The following DLG2 variants were observed in gnomAD, a reference collection of about 807,000 sequenced individuals.
The protein encoded by DLG2 is discs large MAGUK scaffold protein 2.
A neutral mutation model predicts 132.5 loss-of-function variants in DLG2; 45 were observed. That is an observed-to-expected ratio of 0.34 (90% CI 0.27 to 0.44). DLG2 has a LOEUF of 0.44. Ranked by LOEUF, DLG2 falls within the 20% of genes least tolerant of loss-of-function variation. The pLI is 1.00. For synonymous variants in DLG2, 424 were observed against 419.6 expected (o/e 1.01, Z -0.13); for missense variants, 1,045 against 1,196.9 (o/e 0.87, Z 1.87).
intron 7 of DLG2, among the ~76,000 whole-genome samples, chr11:84,447,751 T>C (rs1435692682): frequency 6.6e-6 from 1 of 152,088 alleles, no homozygotes; most frequent in East Asian, 1.9e-4. Context: ...AAAACTCAAA[T>C]GGGTCCTAAA....
At chr11:84,327,112 C>CTTTT (rs11290540) in intron 7 of DLG2, among the ~76,000 whole-genome samples, 24 of 119,016 alleles carry the variant, frequency 2.0e-4, no homozygotes, top group South Asian at 6.0e-4. Flanking sequence ...TAATGAGAAT[C>CTTTT]TTTTTTTTTT....
At chr11:85,398,560 G>C (rs2087667532) in intron 3 of DLG2, among the ~76,000 whole-genome samples, 1 of 151,928 alleles carries the variant, frequency 6.6e-6, no homozygotes, top group Non-Finnish European at 1.5e-5. Context: ...AAAGAGAAAA[G>C]AATCAAATAG....
At chr11:84,464,753 T>C (rs539645683) in intron 7 of DLG2, among the ~76,000 whole-genome samples, 7 of 151,088 alleles carry the variant, frequency 4.6e-5, no homozygotes, top group African/African-American at 1.2e-4. Context: ...CTGAATGAAA[T>C]TCAACATAAA....
At chr11:85,393,972 G>A (rs551265889) in intron 3 of DLG2, among the ~76,000 whole-genome samples, 15 of 152,076 alleles carry the variant, frequency 9.9e-5, no homozygotes, top group Non-Finnish European at 1.5e-4. Flanking sequence ...CTGCTCAGGG[G>A]ATGGGTGCAC....
chr11:85,218,511 T>C (rs547885278), intron 4 of DLG2, among the ~76,000 whole-genome samples: 2 of 152,168 alleles, frequency 1.3e-5, no homozygotes, highest in African/African-American at 2.4e-5. Context: ...AAAACCACAA[T>C]GAGATATGAT....
chr11:83,925,451 A>G (rs2078797628), intron 15 of DLG2, among the ~76,000 whole-genome samples: 1 of 152,156 alleles, frequency 6.6e-6, no homozygotes, highest in Non-Finnish European at 1.5e-5. Flanking sequence ...GGTACATTTG[A>G]GAAACTGAGG....
intron 3 of DLG2, among the ~76,000 whole-genome samples, chr11:85,315,124 G>T (rs941573797): frequency 2.0e-5 from 3 of 151,934 alleles, no homozygotes; most frequent in African/African-American, 4.8e-5. Context: ...TAAGATTCCA[G>T]CCTGGAAAAG....
chr11:84,199,910 T>A (rs1471614536), intron 8 of DLG2, among the ~76,000 whole-genome samples: 1 of 151,996 alleles, frequency 6.6e-6, no homozygotes, highest in Non-Finnish European at 1.5e-5. Context: ...CTTTCCAAGT[T>A]TGATGAAAAA....
chr11:84,490,072 T>C (rs1420767484), intron 7 of DLG2, among the ~76,000 whole-genome samples: 1 of 152,088 alleles, frequency 6.6e-6, no homozygotes, highest in Non-Finnish European at 1.5e-5. Context: ...TATCGAGAAA[T>C]CAGGACATTC....
At chr11:83,742,607 T>C (rs1196665890) in intron 18 of DLG2, among the ~76,000 whole-genome samples, 2 of 152,198 alleles carry the variant, frequency 1.3e-5, no homozygotes, top group African/African-American at 4.8e-5. Flanking sequence ...AGGGATTGAA[T>C]TAGCTCAACT....
At chr11:84,922,175 T>A (rs1232780000) in intron 6 of DLG2, among the ~76,000 whole-genome samples, 10 of 141,074 alleles carry the variant, frequency 7.1e-5, no homozygotes, top group Admixed American at 3.6e-4. Flanking sequence ...ATATTGACTT[T>A]AAAAAAAAAA....
chr11:83,843,173 T>C (rs2057975952), intron 16 of DLG2, among the ~76,000 whole-genome samples: 1 of 152,184 alleles, frequency 6.6e-6, no homozygotes, highest in African/African-American at 2.4e-5. Context: ...CCCTTTGTAT[T>C]TCATATTTCA....
At chr11:84,550,315 C>A (rs1272356429) in intron 6 of DLG2, among the ~76,000 whole-genome samples, 1 of 152,158 alleles carries the variant, frequency 6.6e-6, no homozygotes, top group Admixed American at 6.5e-5. Flanking sequence ...GCTGCCACTT[C>A]TCTTGATCCA....
intron 4 of DLG2, among the ~76,000 whole-genome samples, chr11:85,222,775 A>G (rs1290003610): frequency 2.0e-5 from 3 of 152,240 alleles, no homozygotes; most frequent in Admixed American, 6.5e-5. Flanking sequence ...TGCAGCTTTC[A>G]TTGTACCACA....
chr11:83,834,621 G>A (rs1349970321), intron 16 of DLG2, among the ~76,000 whole-genome samples: 1 of 152,174 alleles, frequency 6.6e-6, no homozygotes, highest in Admixed American at 6.6e-5. Flanking sequence ...AGGTGGAGAT[G>A]TTCTGAAGCA....
intron 6 of DLG2, among the ~76,000 whole-genome samples, chr11:84,877,440 G>A (rs2154051026): frequency 6.7e-6 from 1 of 149,820 alleles, no homozygotes; most frequent in African/African-American, 2.5e-5. Context: ...ATTATGTAAT[G>A]CCCTTCTTTG....
Position 85,129,876 on chromosome 11 carries a change from A to G in DLG2, c.283-18141T>C, listed in dbSNP as rs536981228. On this transcript the variant is annotated intron_variant, in intron 5 of 27. Transcript: ENST00000376104. ...ATGCACCATAGAATACTATGCAGCCATAAAAAAGAATGAATTAATGTCCTT... is the reference window on the plus strand; with the variant it reads ...ATGCACCATAGAATACTATGCAGCCGTAAAAAAGAATGAATTAATGTCCTT... Among the ~76,000 whole-genome samples, 161 of 152,346 alleles carry G rather than the reference A, an allele frequency of 1.1e-3. 1 individual carries two copies. Among genetic ancestry groups the G allele is most frequent in the African/African-American group, 3.7e-3 (155 of 41,572 alleles).
intron 18 of DLG2, among the ~76,000 whole-genome samples, chr11:83,659,964 AG>A (rs1441623600): frequency 6.6e-6 from 1 of 152,198 alleles, no homozygotes; most frequent in Non-Finnish European, 1.5e-5. Flanking sequence ...CCTAAATTGG[AG>A]GTTCTGTCCC....
At chr11:85,430,172 A>T (rs182248661) in intron 3 of DLG2, among the ~76,000 whole-genome samples, 1 of 143,234 alleles carries the variant, frequency 7.0e-6, no homozygotes, top group Non-Finnish European at 1.5e-5. Context: ...GAGCACATGG[A>T]CACAGGAAGT....
Sources: allele counts gnomAD v4.1 joint callset (sites outside exome capture counted in the v4.1 genomes callset), GRCh38; gene constraint gnomAD v4.1.1; transcripts MANE v1.5; gene names NCBI Gene and HGNC (gene_info 2026-07-23, HGNC 2026-07-21).